Variants in DCAF6 observed in about 807,000 individuals in gnomAD.
DCAF6 encodes the protein DDB1- and CUL4-associated factor 6.
In DCAF6, 54 loss-of-function variants were observed where a neutral mutation model predicts 125.1. That is an observed-to-expected ratio of 0.43 (90% confidence interval 0.35 to 0.54). The LOEUF (loss-of-function observed/expected upper bound fraction) is 0.54, where lower values mean the gene tolerates loss of function less well. DCAF6 is among the 20% of genes least tolerant of loss of function. The probability of loss-of-function intolerance (pLI) is 0.01; values close to 1 mark genes in which losing one functional copy is unlikely to be tolerated. For synonymous variants in DCAF6, 371 were observed against 390.4 expected (o/e 0.95, Z 0.58); for missense variants, 934 against 1,161.7 (o/e 0.80, Z 2.85).
chr1:167,898,617 A>T, the DCAF6 span, among the ~76,000 whole-genome samples: 1 of 151,382 alleles, frequency 6.6e-6, no homozygotes, highest in Non-Finnish European at 1.5e-5. Context: ...TAAAAAAAGA[A>T]TGATTGAAGA....
chr1:168,033,708 T>C (rs1416983250), intron 12 of DCAF6, among the ~76,000 whole-genome samples: 1 of 152,214 alleles, frequency 6.6e-6, no homozygotes, highest in African/African-American at 2.4e-5. Flanking sequence ...CAGTCTTTTA[T>C]CTTGATGTTT....
the DCAF6 span, among the ~76,000 whole-genome samples, chr1:167,910,022 G>A: frequency 9.9e-5 from 15 of 152,078 alleles, no homozygotes; most frequent in Admixed American, 3.3e-4. Context: ...ACCCTTTCAC[G>A]TGGAACCCCT....
chr1:167,905,253 T>G, the DCAF6 span: 1 of 1,279,310 alleles, frequency 7.8e-7, no homozygotes, highest in Non-Finnish European at 1.1e-6. Flanking sequence ...CTCATTTTCC[T>G]ATTGCTCTTT....
chr1:168,045,495 AAAG>A (rs1252231610), intron 16 of DCAF6, among the ~76,000 whole-genome samples: 2 of 152,216 alleles, frequency 1.3e-5, no homozygotes, highest in Non-Finnish European at 2.9e-5. Context: ...GATCAAGAGA[AAAG>A]AATGTTAAGA....
chr1:167,976,130 A>T (rs571231426), intron 4 of DCAF6, among the ~76,000 whole-genome samples: 10 of 152,140 alleles, frequency 6.6e-5, no homozygotes, highest in East Asian at 5.8e-4. Context: ...TCTACTTTTT[A>T]AAAAAAGTTT....
At chr1:167,926,666 C>G in the DCAF6 span, among the ~76,000 whole-genome samples, 1 of 152,256 alleles carries the variant, frequency 6.6e-6, no homozygotes, top group African/African-American at 2.4e-5. Flanking sequence ...GGGTAGAGGC[C>G]TGGGATGCTG....
the DCAF6 span, among the ~76,000 whole-genome samples, chr1:167,872,679 A>T: frequency 2.7e-5 from 4 of 150,898 alleles, no homozygotes; most frequent in African/African-American, 9.8e-5. Context: ...GCCTCTGACA[A>T]TCTGTGTTTG....
At chr1:168,007,235 C>G (rs1268056427) in intron 10 of DCAF6, among the ~76,000 whole-genome samples, 27 of 152,194 alleles carry the variant, frequency 1.8e-4, no homozygotes, top group Admixed American at 1.8e-3. Context: ...TATCCCTTTC[C>G]AGCTTCTCAA....
rs373785515 is a variant in DCAF6, at chr1:168,066,362, A to C, written c.2597-15A>C. 3.5e-5 allele frequency: 53 copies of C among 1,531,530 alleles called. No homozygotes were observed. In the African/African-American group the frequency reaches 6.9e-4, roughly 20 times the overall value. The allele number at this position is 1,531,530 out of a possible 1,614,324, so 94.9% of individuals were successfully genotyped here. On this transcript the variant is annotated splice_polypyrimidine_tract_variant and intron_variant, in intron 19 of 21. Transcript: ENST00000367840. ...GTTTCTAGGCTTCATATTAATATAT[A>C]AATTTTATTTCTAGTTTTAGCCTCA... is the stretch of plus-strand genomic sequence containing the variant.
In DCAF6 at chr1:168,063,727, G is replaced by A. The variant is rs369024246; in HGVS notation, c.2407G>A (p.Val803Ile). Reference sequence around the variant, plus strand: ...CATTAGAAGGCCGCTAGTAAAAATGGTTTATAAAGGCCATCGCAACTCCAG... The same window carrying A: ...CATTAGAAGGCCGCTAGTAAAAATGATTTATAAAGGCCATCGCAACTCCAG... ...LNIRRPLVKM[V>I]YKGHRNSRTM... The change falls in exon 18 of 22, where the codon GTT becomes ATT. Residue 803 changes from valine to isoleucine, a missense_variant. Transcript: ENST00000367840. 124 of 1,604,988 alleles carry A rather than the reference G, an allele frequency of 7.7e-5. No individual in the cohort carries two copies. Among genetic ancestry groups the A allele is most frequent in the Non-Finnish European group, 1.0e-4 (119 of 1,176,996 alleles).
chr1:167,952,964 C>T (rs1674203189), intron 2 of DCAF6, among the ~76,000 whole-genome samples: 2 of 152,156 alleles, frequency 1.3e-5, no homozygotes, highest in Non-Finnish European at 2.9e-5. Context: ...TTTCTTCCCC[C>T]ATCCACCTTG....
At chr1:167,917,169 A>G in the DCAF6 span, 3 of 152,026 alleles carry the variant, frequency 2.0e-5, no homozygotes, top group Admixed American at 2.0e-4. Flanking sequence ...GTCAAATCAA[A>G]TAGATAGTTA....
intron 10 of DCAF6, among the ~76,000 whole-genome samples, chr1:168,012,208 C>T (rs1188879753): frequency 6.6e-6 from 1 of 152,146 alleles, no homozygotes; most frequent in Admixed American, 6.5e-5. Flanking sequence ...GATCCAGAGT[C>T]CAGGACAAAA....
chr1:167,873,719 A>C, the DCAF6 span, among the ~76,000 whole-genome samples: 2 of 152,236 alleles, frequency 1.3e-5, no homozygotes, highest in South Asian at 4.1e-4. Context: ...TTGTAGACTT[A>C]AATATAAAAG....
At chr1:167,883,589 G>A in the DCAF6 span, 11 of 1,614,106 alleles carry the variant, frequency 6.8e-6, no homozygotes, top group East Asian at 2.2e-5. Context: ...GTCACTGGGC[G>A]AAGCTCAGAT....
intron 3 of DCAF6, among the ~76,000 whole-genome samples, chr1:167,967,004 T>G (rs901470678): frequency 9.2e-5 from 14 of 152,126 alleles, no homozygotes; most frequent in Admixed American, 6.6e-4. Flanking sequence ...TAACATTTTT[T>G]GGGGGAAAAT....
At chr1:167,868,116 T>C in the DCAF6 span, among the ~76,000 whole-genome samples, 1 of 152,208 alleles carries the variant, frequency 6.6e-6, no homozygotes, top group Non-Finnish European at 1.5e-5. Context: ...TTTCAGACTT[T>C]CTATGATTAA....
At chr1:167,989,735 G>A (rs542485461) in intron 5 of DCAF6, among the ~76,000 whole-genome samples, 3 of 152,016 alleles carry the variant, frequency 2.0e-5, no homozygotes, top group East Asian at 1.9e-4. Flanking sequence ...ATACAAAATA[G>A]CCAGGCGTGG....
chr1:167,909,783 G>T, the DCAF6 span, among the ~76,000 whole-genome samples: 1 of 152,156 alleles, frequency 6.6e-6, no homozygotes, highest in African/African-American at 2.4e-5. Flanking sequence ...CACTTATTTT[G>T]TCAGGCTTTT....
Sources: gnomAD v4.1 joint callset for allele counts (sites outside exome capture counted in the v4.1 genomes callset) on GRCh38, gnomAD v4.1.1 for gene constraint, MANE v1.5 for transcripts, NCBI Gene and HGNC (gene_info 2026-07-23, HGNC 2026-07-21) for gene names.